PCDHGB6: variants seen among roughly 807,000 people sequenced by gnomAD.
PCDHGB6 encodes protocadherin gamma subfamily B, 6, also known as protocadherin gamma-B6.
A neutral mutation model predicts 59.1 loss-of-function variants in PCDHGB6; 51 were observed. The observed-to-expected ratio is 0.86, with a 90% CI of 0.69 to 1.09. The LOEUF (loss-of-function observed/expected upper bound fraction) is 1.09, where lower values mean the gene tolerates loss of function less well. PCDHGB6 is among the 50% of genes least tolerant of loss of function. The probability of loss-of-function intolerance (pLI) is 0.00; values close to 1 mark genes in which losing one functional copy is unlikely to be tolerated. For synonymous variants in PCDHGB6, 466 were observed against 495.1 expected, an observed-to-expected ratio of 0.94 and a Z score of 0.78; for missense variants, 1,148 against 1,205.1, an observed-to-expected ratio of 0.95 and a Z score of 0.70.
intron 1 of PCDHGB6, among the ~76,000 whole-genome samples, chr5:141,456,537 G>A (rs1411788378): frequency 1.3e-5 from 2 of 152,178 alleles, no homozygotes; most frequent in African/African-American, 4.8e-5. Flanking sequence ...ATTAAAGAGG[G>A]ATTGTAGCCA....
rs1200487646 is a variant in PCDHGB6, at chr5:141,410,571, C to T, written c.2369C>T (p.Pro790Leu). 3 of 1,612,028 alleles carry T rather than the reference C, an allele frequency of 1.9e-6. No homozygotes were observed. The highest frequency in any genetic ancestry group is 2.5e-6 in the Non-Finnish European group (3 of 1,179,884). Residue 790 changes from proline to leucine, a missense_variant, in exon 1 of 4, where the codon CCA (proline) becomes CTA (leucine). Around this residue, in one of 5 missense-constraint regions of PCDHGB6, gnomAD observed 283 missense variants for 318.6 expected, o/e 0.89. Coordinates refer to ENST00000520790, the MANE Select transcript of PCDHGB6 (RefSeq NM_018926.3). ...VCSVSPGALI[P>L]PHGGEDLTSH... The stretch of plus-strand genomic sequence containing the variant: ...AGTGTTTCTCCTGGAGCCTTAATTC[C>T]ACCTCATGGTGGGGAGGATTTGACT...
chr5:141,482,593 G>A (rs1314658005), intron 1 of PCDHGB6, among the ~76,000 whole-genome samples: 4 of 149,900 alleles, frequency 2.7e-5, no homozygotes, highest in Non-Finnish European at 5.9e-5. Flanking sequence ...GGGACCAAAC[G>A]GGAAAAAACA....
intron 1 of PCDHGB6, among the ~76,000 whole-genome samples, chr5:141,437,990 C>G (rs1298325497): frequency 1.3e-5 from 2 of 152,148 alleles, no homozygotes; most frequent in Non-Finnish European, 2.9e-5. Flanking sequence ...CCCACCCCAC[C>G]TCAGCCTCCC....
At chr5:141,481,813 G>C (rs185558948) in intron 1 of PCDHGB6, among the ~76,000 whole-genome samples, 1 of 151,824 alleles carries the variant, frequency 6.6e-6, no homozygotes, top group African/African-American at 2.4e-5. Flanking sequence ...TTCACCAGGC[G>C]TGGTGGCTGA....
chr5:141,482,404 A>C (rs1262544355), intron 1 of PCDHGB6, among the ~76,000 whole-genome samples: 1 of 152,076 alleles, frequency 6.6e-6, no homozygotes, highest in Non-Finnish European at 1.5e-5. Flanking sequence ...GTACTCAATA[A>C]CTATTTGTTG....
At chr5:141,415,574 A>G (rs1168111069) in intron 1 of PCDHGB6, 3 of 1,614,066 alleles carry the variant, frequency 1.9e-6, no homozygotes, top group Non-Finnish European at 8.5e-7. Flanking sequence ...TTGTTAGATG[A>G]TTCGAAGTTT....
chr5:141,409,707 C>T lies in PCDHGB6; in HGVS notation c.1505C>T (p.Ser502Leu). The T allele has an allele frequency of 6.2e-7, 1 of 1,613,248 alleles. No homozygotes were observed. The highest frequency in any genetic ancestry group is 8.5e-7 in the Non-Finnish European group (1 of 1,179,870). ...VASDLEPLAV[S>L]SYVSVSAQSG... ...AGTGACCTAGAGCCCCTGGCGGTGT[C>T]GTCATACGTGTCAGTGAGCGCGCAG... The change falls in exon 1 of 4, where the codon TCG becomes TTG. Residue 502 changes from serine to leucine, a missense_variant. Around this residue, in one of 5 missense-constraint regions of PCDHGB6, gnomAD observed 549 missense variants for 527.5 expected, o/e 1.04. Coordinates refer to ENST00000520790, the MANE Select transcript of PCDHGB6 (RefSeq NM_018926.3).
chr5:141,413,302 T>C (rs746274089), intron 1 of PCDHGB6: 2 of 1,613,960 alleles, frequency 1.2e-6, no homozygotes, highest in Non-Finnish European at 8.5e-7. Context: ...TCCTGAGGAA[T>C]TAGAGAAAGG....
At chr5:141,488,594 C>T (rs1398982317) in intron 1 of PCDHGB6, among the ~76,000 whole-genome samples, 3 of 152,164 alleles carry the variant, frequency 2.0e-5, no homozygotes, top group African/African-American at 7.2e-5. Context: ...CAGGGCAAGA[C>T]TTTACAAGGT....
At position 141,489,545 on chromosome 5, in the gene PCDHGB6, G is replaced by A. The variant is rs1396651116; in HGVS notation, c.2419-5262G>A. On this transcript the variant is annotated intron_variant, in intron 1 of 3. Transcript: ENST00000520790. The surrounding 1 kb of genome is among the most constrained non-coding windows in gnomAD (Gnocchi z 4.5). ...AGCCTATGTGGAGCCAGCACCAGCT[G>A]CCTGCTGCCAGTGCAGGTGGTGACT... 3 of 1,613,984 alleles carry A rather than the reference G, an allele frequency of 1.9e-6. No individual in the cohort carries two copies. The highest frequency in any genetic ancestry group is 2.5e-6 in the Non-Finnish European group (3 of 1,180,022).
chr5:141,434,261 G>A (rs1269166732), intron 1 of PCDHGB6, among the ~76,000 whole-genome samples: 2 of 152,194 alleles, frequency 1.3e-5, no homozygotes. Context: ...TTGTGGGGGA[G>A]GTGGAAATTA....
rs572892456 is a variant in PCDHGB6, at chr5:141,427,959, C to T, written c.2418+17339C>T. On this transcript the variant is annotated intron_variant, in intron 1 of 3. Coordinates refer to ENST00000520790, the MANE Select transcript of PCDHGB6 (RefSeq NM_018926.3). Reference sequence around the variant, plus strand: ...GGGCGACCTCAATGACAATGTGCCGCGGGTGCTGTACCCCGCGCTGGGGCC... The same window carrying T: ...GGGCGACCTCAATGACAATGTGCCGTGGGTGCTGTACCCCGCGCTGGGGCC... 3.8e-6 allele frequency: 6 copies of T among 1,588,886 alleles called. No individual in the cohort carries two copies. The East Asian group carries it at 1.1e-4, about 30-fold the overall frequency.
chr5:141,487,751 G>A lies in PCDHGB6; in HGVS notation c.2419-7056G>A. ...CACCATTTTTGTAAGAGGTAACTAT[G>A]TGGTAGACGCTGTGCTTTGTAACTG... On this transcript the variant is annotated intron_variant, in intron 1 of 3. Coordinates refer to ENST00000520790, the MANE Select transcript of PCDHGB6 (RefSeq NM_018926.3). This position sits in a 1 kb window ranked among gnomAD's most constrained non-coding sequence, Gnocchi z 5.0. 1 of 1,555,004 alleles carries A rather than the reference G, an allele frequency of 6.4e-7. No homozygotes were observed.
chr5:141,423,572 G>T (rs1239529114), intron 1 of PCDHGB6: 2 of 1,613,510 alleles, frequency 1.2e-6, no homozygotes, highest in African/African-American at 1.3e-5. Context: ...ACGCTCATCA[G>T]CCAGGAGAGC....
intron 1 of PCDHGB6, chr5:141,419,581 C>T: frequency 6.2e-7 from 1 of 1,611,888 alleles, no homozygotes; most frequent in South Asian, 1.1e-5. Context: ...GCTCCGCGCT[C>T]TTCGACACAG....
rs561817609 is a variant in PCDHGB6, at chr5:141,496,904, G to A, written c.2477+2039G>A. Among the ~76,000 whole-genome samples, 12 of 137,476 alleles carry A rather than the reference G, an allele frequency of 8.7e-5. 1 individual carries two copies. The South Asian group carries it at 2.0e-3, about 23-fold the overall frequency. The allele number at this position is 137,476 out of a possible 152,430, so 90.2% of individuals were successfully genotyped here. On this transcript the variant is annotated intron_variant, in intron 2 of 3. Transcript: ENST00000520790. ...AGTAACACTTAAAAAAAAAAAAAAA[G>A]GCTGGGCACTGTGGTTCACGCCTGT...
chr5:141,478,849 C>A, intron 1 of PCDHGB6: 1 of 1,375,282 alleles, frequency 7.3e-7, no homozygotes, highest in Non-Finnish European at 9.6e-7. Flanking sequence ...TAAGCTAAAA[C>A]ACAAGATCTC....
intron 1 of PCDHGB6, among the ~76,000 whole-genome samples, chr5:141,457,343 T>C (rs1372992422): frequency 6.6e-6 from 1 of 152,240 alleles, no homozygotes; most frequent in African/African-American, 2.4e-5. Flanking sequence ...TTACTTACTT[T>C]CATTACCTGG....
At chr5:141,413,513 T>C (rs1369472337) in intron 1 of PCDHGB6, 34 of 1,613,974 alleles carry the variant, frequency 2.1e-5, no homozygotes, top group Non-Finnish European at 2.9e-5. Context: ...TTTAATATCC[T>C]TGTGGAAGAC....
Sources: gnomAD v4.1 joint callset for allele counts (sites outside exome capture counted in the v4.1 genomes callset) on GRCh38, gnomAD v4.1.1 for gene constraint, gnomAD v4.1.1 regional missense constraint, Gnocchi (gnomAD v3.1) non-coding constraint, MANE v1.5 for transcripts, NCBI Gene and HGNC (gene_info 2026-07-23, HGNC 2026-07-21) for gene names.